Variants in PPIL3 observed in about 807,000 individuals in gnomAD.
The protein encoded by PPIL3 is peptidyl-prolyl cis-trans isomerase-like 3.
Under a neutral mutation model 20.9 loss-of-function variants are expected in PPIL3, and 13 were observed. That is an observed-to-expected ratio of 0.62 (90% CI 0.40 to 0.99). The LOEUF (loss-of-function observed/expected upper bound fraction) is 0.99. Ranked by LOEUF, PPIL3 falls within the 50% of genes least tolerant of loss-of-function variation. The pLI is 0.00. For missense variants in PPIL3, 170 were observed against 195.2 expected, an observed-to-expected ratio of 0.87 and a Z score of 0.77; for synonymous variants, 71 against 64.4, an observed-to-expected ratio of 1.10 and a Z score of -0.49.
chr2:200,871,216 A>G lies in PPIL3; in HGVS notation c.*179T>C, dbSNP rs1386519476. 2.1e-6 allele frequency: 1 copy of G among 471,074 alleles called. No individual in the cohort carries two copies. The highest frequency in any genetic ancestry group is 3.2e-5 in the East Asian group (1 of 30,886). The allele number at this position is 471,074 out of a possible 1,614,324, so 29.2% of individuals were successfully genotyped here. On this transcript the variant is annotated 3_prime_UTR_variant, in exon 7 of 7. Coordinates refer to ENST00000392283, the MANE Select transcript of PPIL3 (RefSeq NM_130906.3). ...TGTTGGATAATCATTATAATAAAGA[A>G]TATGCTCTAAGAATGGGGATAAAAG...
At chr2:200,888,716 G>A (rs1395427955) in intron 1 of PPIL3, 2 of 325,634 alleles carry the variant, frequency 6.1e-6, no homozygotes, top group African/African-American at 4.4e-5. Context: ...AGTAGAGACG[G>A]GGTTTCGCCG....
intron 5 of PPIL3, among the ~76,000 whole-genome samples, chr2:200,878,367 A>G (rs1480745707): frequency 6.6e-6 from 1 of 150,800 alleles, no homozygotes; most frequent in Non-Finnish European, 1.5e-5. Context: ...CACTATTCTA[A>G]TACCTTTTTT....
In PPIL3 at chr2:200,881,514, AAG is replaced by A. The variant is rs753818475; in HGVS notation, c.173-28_173-27del. 8.8e-6 allele frequency: 14 copies of A among 1,583,048 alleles called. No individual in the cohort carries two copies. The South Asian group carries it at 1.6e-4, about 18-fold the overall frequency. ...CTACATTACAAGTGAAGCAAATCAA[AAG>A]AAGTATTTAATTAAATTGAAAACAA... On this transcript the variant is annotated intron_variant, in intron 4 of 6. Coordinates refer to ENST00000392283, the MANE Select transcript of PPIL3 (RefSeq NM_130906.3).
chr2:200,881,383 G>T, intron 5 of PPIL3, 38 bp downstream of exon 5: 1 of 1,509,946 alleles, frequency 6.6e-7, no homozygotes, highest in Non-Finnish European at 9.1e-7. Flanking sequence ...GCATAACCAA[G>T]GCATGAGAAA....
chr2:200,872,054 C>T (rs915411691), intron 6 of PPIL3, among the ~76,000 whole-genome samples: 1 of 152,128 alleles, frequency 6.6e-6, no homozygotes, highest in Non-Finnish European at 1.5e-5. Flanking sequence ...ACAGAGACCC[C>T]GGTTAATCCC....
chr2:200,880,423 T>TTTTTTTTTTA (rs2039682590), intron 5 of PPIL3, among the ~76,000 whole-genome samples: 4 of 151,030 alleles, frequency 2.6e-5, no homozygotes, highest in Admixed American at 6.6e-5. Flanking sequence ...TTTTTTTTTT[T>TTTTTTTTTTA]GAGTGGGGTC....
intron 6 of PPIL3, among the ~76,000 whole-genome samples, chr2:200,875,765 G>A (rs2039488269): frequency 6.6e-6 from 1 of 151,780 alleles, no homozygotes; most frequent in Non-Finnish European, 1.5e-5. Flanking sequence ...TATAGAGATG[G>A]GTTCTGCTAT....
chr2:200,874,372 G>C (rs975050388), intron 6 of PPIL3, among the ~76,000 whole-genome samples: 2 of 152,058 alleles, frequency 1.3e-5, no homozygotes, highest in African/African-American at 2.4e-5. Flanking sequence ...AAGAGAAACA[G>C]AGGAGGTAGA....
rs1387525584 is a variant in PPIL3, at chr2:200,871,205, TATA to T, written c.*187_*189del. 9.1e-6 allele frequency: 4 copies of T among 438,174 alleles called. No homozygotes were observed. The highest frequency in any genetic ancestry group is 2.0e-5 in the African/African-American group (1 of 49,654). 27.1% of individuals were successfully genotyped at this position (438,174 alleles called of 1,614,324 possible). A position where few individuals can be genotyped will look rare whatever the true frequency, so the allele number is the denominator to read the frequency against. ...TTAAAGAAATATGTTGGATAATCATTATAATAAAGAATATGCTCTAAGAATGGG... is the reference window on the plus strand; with the variant it reads ...TTAAAGAAATATGTTGGATAATCATTATAAAGAATATGCTCTAAGAATGGG... On this transcript the variant is annotated 3_prime_UTR_variant, in exon 7 of 7. Coordinates refer to ENST00000392283, the MANE Select transcript of PPIL3 (RefSeq NM_130906.3).
At chr2:200,885,434 A>T in intron 3 of PPIL3, 1 of 390,942 alleles carries the variant, frequency 2.6e-6, no homozygotes, top group Non-Finnish European at 4.5e-6. Flanking sequence ...TGTCCTAATG[A>T]TTACGTTTCC....
intron 2 of PPIL3, 99 bp downstream of exon 2, chr2:200,887,514 C>G: frequency 1.3e-6 from 1 of 776,640 alleles, no homozygotes; most frequent in Non-Finnish European, 2.1e-6. Context: ...ATTTCTCCAT[C>G]TTGCCACTGC....
Position 200,871,537 on chromosome 2 carries a change from C to T in PPIL3, c.360-16G>A, listed in dbSNP as rs747763293. On this transcript the variant is annotated splice_polypyrimidine_tract_variant and intron_variant, in intron 6 of 6. Coordinates refer to ENST00000392283, the MANE Select transcript of PPIL3 (RefSeq NM_130906.3). ...ATCTATTACCCTGAAAGAGAAACAACATAACATATGAAAATTTCCTTAAAT... is the reference window on the plus strand; with the variant it reads ...ATCTATTACCCTGAAAGAGAAACAATATAACATATGAAAATTTCCTTAAAT... 6.2e-7 allele frequency: 1 copy of T among 1,600,714 alleles called. No homozygotes were observed. The highest frequency in any genetic ancestry group is 8.5e-7 in the Non-Finnish European group (1 of 1,174,472).
chr2:200,873,943 C>T (rs574976359), intron 6 of PPIL3, among the ~76,000 whole-genome samples: 38 of 151,816 alleles, frequency 2.5e-4, no homozygotes, highest in Non-Finnish European at 4.7e-4. Flanking sequence ...CAGTGGCTCA[C>T]GCCTGTAATC....
At position 200,877,048 on chromosome 2, in the gene PPIL3, C is replaced by T; in HGVS notation, c.241-11G>A. The stretch of plus-strand genomic sequence containing the variant: ...ACCTCTAACATTGTGCTGAAAAAGA[C>T]ACATCAAAGTATTAACTGTGTTTTT... On this transcript the variant is annotated splice_polypyrimidine_tract_variant and intron_variant, in intron 5 of 6. Transcript: ENST00000392283. The T allele has an allele frequency of 6.6e-7, 1 of 1,509,944 alleles. No homozygotes were observed. The allele number at this position is 1,509,944 out of a possible 1,614,324, so 93.5% of individuals were successfully genotyped here.
At chr2:200,874,267 T>C (rs2039432609) in intron 6 of PPIL3, among the ~76,000 whole-genome samples, 1 of 150,994 alleles carries the variant, frequency 6.6e-6, no homozygotes. Flanking sequence ...ACAAAATGGG[T>C]ACTTCAACCA....
chr2:200,885,585 A>T, intron 3 of PPIL3, 113 bp downstream of exon 3: 1 of 715,384 alleles, frequency 1.4e-6, no homozygotes, highest in South Asian at 1.7e-5. Context: ...AGTTTTCCCT[A>T]ACAATGGTTT....
chr2:200,881,491 A>G lies in PPIL3; in HGVS notation c.173-3T>C, dbSNP rs1337348453. ...ACTGTTGCCTCCTCTTCCAGTTCCTACATTACAAGTGAAGCAAATCAAAAG... is the reference window on the plus strand; with the variant it reads ...ACTGTTGCCTCCTCTTCCAGTTCCTGCATTACAAGTGAAGCAAATCAAAAG... On this transcript the variant is annotated splice_polypyrimidine_tract_variant and splice_region_variant and intron_variant, in intron 4 of 6. Coordinates refer to ENST00000392283, the MANE Select transcript of PPIL3 (RefSeq NM_130906.3). 6.2e-7 allele frequency: 1 copy of G among 1,610,798 alleles called. No homozygotes were observed. Among genetic ancestry groups the G allele is most frequent in the Middle Eastern group, 1.6e-4 (1 of 6,062 alleles).
chr2:200,887,990 G>A (rs1055361306), intron 1 of PPIL3, among the ~76,000 whole-genome samples: 3 of 150,736 alleles, frequency 2.0e-5, no homozygotes, highest in African/African-American at 7.4e-5. Flanking sequence ...CCAGGAGGCG[G>A]AGGCTGCAGT....
At chr2:200,889,106 C>T (rs2124863875), upstream of PPIL3, 1 of 466,028 alleles carries the variant, frequency 2.1e-6, no homozygotes, top group Non-Finnish European at 4.4e-6. Flanking sequence ...CGCCCCTTAC[C>T]GCCTCACCTC....
Sources: allele counts gnomAD v4.1 joint callset (sites outside exome capture counted in the v4.1 genomes callset), GRCh38; gene constraint gnomAD v4.1.1; transcripts MANE v1.5; gene names NCBI Gene and HGNC (gene_info 2026-07-23, HGNC 2026-07-21).